Variants in ANXA7 observed in about 807,000 individuals in gnomAD.
ANXA7 encodes annexin A7, also known as annexin VII.
A neutral mutation model predicts 64.9 loss-of-function variants in ANXA7; 55 were observed. The ratio of observed to expected loss-of-function variants is 0.85; its 90% confidence interval spans 0.68 to 1.06. The LOEUF is 1.06. Ranked by LOEUF, ANXA7 falls within the 50% of genes least tolerant of loss-of-function variation. ANXA7 has a pLI of 0.00. For synonymous variants in ANXA7, 200 were observed against 192.4 expected, an observed-to-expected ratio of 1.04 and a Z score of -0.33; for missense variants, 548 against 582.1, an observed-to-expected ratio of 0.94 and a Z score of 0.60.
At chr10:73,406,660 C>T (rs1407974723) in intron 1 of ANXA7, among the ~76,000 whole-genome samples, 1 of 152,088 alleles carries the variant, frequency 6.6e-6, no homozygotes, top group African/African-American at 2.4e-5. Context: ...GCCTCGAATT[C>T]CTGGGCTCAG....
rs1564521116 is a variant in ANXA7, at chr10:73,380,106, A to G, written c.1014T>C (p.Asp338=). Reference sequence around the variant, plus strand: ...CAAGGATCATGTTAAAGCAAGATTCATCGGTCCCTAGTCTCCCCTCACCAG... The same window carrying G: ...CAAGGATCATGTTAAAGCAAGATTCGTCGGTCCCTAGTCTCCCCTCACCAG... ...YQAGEGRLGT[D]ESCFNMILAT... Residue 338 remains aspartate (D), a synonymous_variant, in exon 10 of 13, where the codon GAT becomes GAC. Coordinates refer to ENST00000372921, the MANE Select transcript of ANXA7 (RefSeq NM_001156.5). The G allele has an allele frequency of 2.5e-6, 4 of 1,614,082 alleles. No homozygotes were observed. Among genetic ancestry groups the G allele is most frequent in the East Asian group, 2.2e-5 (1 of 44,892 alleles).
chr10:73,383,139 C>A, intron 9 of ANXA7, 36 bp downstream of exon 9: 2 of 1,538,210 alleles, frequency 1.3e-6, no homozygotes, highest in Non-Finnish European at 1.8e-6. Flanking sequence ...AAGTATGTTC[C>A]CTCTATCAAC....
rs1269987275 is a variant in ANXA7 at position 73,400,836 on chromosome 10, G to C, written c.21C>G (p.Pro7=). 1.2e-6 allele frequency: 2 copies of C among 1,603,458 alleles called. No homozygotes were observed. The highest frequency in any genetic ancestry group is 2.3e-5 in the East Asian group (1 of 44,036). The change falls in exon 2 of 13, where the codon CCC becomes CCG. Residue 7 remains proline, a synonymous_variant. Coordinates refer to ENST00000372921, the MANE Select transcript of ANXA7 (RefSeq NM_001156.5). MSYPGY[P]PTGYPPFPGY... ...CAGGGAAAGGTGGGTAGCCTGTTGG[G>C]GGATAGCCTGGGTATGACATTCTGT...
intron 7 of ANXA7, among the ~76,000 whole-genome samples, chr10:73,384,774 G>T (rs1029764748): frequency 4.6e-5 from 7 of 152,080 alleles, no homozygotes; most frequent in Admixed American, 1.3e-4. Flanking sequence ...CTAGCACTGG[G>T]TAAGTAGCAT....
chr10:73,405,208 A>AGT (rs2055734343), intron 1 of ANXA7, among the ~76,000 whole-genome samples: 1 of 145,526 alleles, frequency 6.9e-6, no homozygotes, highest in Admixed American at 7.0e-5. Context: ...GCACCACTGC[A>AGT]CTCCAGCCTG....
At chr10:73,408,587 T>C (rs1269878349) in intron 1 of ANXA7, among the ~76,000 whole-genome samples, 1 of 152,136 alleles carries the variant, frequency 6.6e-6, no homozygotes, top group Non-Finnish European at 1.5e-5. Context: ...AGGAATTATG[T>C]CAACAAAAAT....
chr10:73,389,838 T>A (rs993045368), intron 5 of ANXA7, among the ~76,000 whole-genome samples: 3 of 152,192 alleles, frequency 2.0e-5, no homozygotes, highest in African/African-American at 7.2e-5. Context: ...TTGCCCAGGC[T>A]GGTATCGAAT....
chr10:73,408,569 G>A lies in ANXA7; in HGVS notation c.-2+5443C>T, dbSNP rs1488405515. 5.3e-5 allele frequency among the ~76,000 whole-genome samples: 8 copies of A among 152,196 alleles called. No homozygotes were observed. The East Asian group carries it at 1.4e-3, about 26-fold the overall frequency. ...CTACTATCTTAAATCTTACCTTTAA[G>A]AGCCTGGAGGAATTATGTCAACAAA... On this transcript the variant is annotated intron_variant, in intron 1 of 12. Coordinates refer to ENST00000372921, the MANE Select transcript of ANXA7 (RefSeq NM_001156.5).
At chr10:73,390,930 G>A (rs997660290) in intron 5 of ANXA7, among the ~76,000 whole-genome samples, 5 of 151,436 alleles carry the variant, frequency 3.3e-5, no homozygotes, top group South Asian at 2.1e-4. Flanking sequence ...CCAGCACTTC[G>A]GGAGGTCGAG....
intron 1 of ANXA7, among the ~76,000 whole-genome samples, chr10:73,407,179 C>T (rs762411296): frequency 2.0e-5 from 3 of 152,160 alleles, no homozygotes; most frequent in Non-Finnish European, 2.9e-5. Flanking sequence ...TGGGTTCAAG[C>T]GATTCTCCTC....
chr10:73,388,568 T>C (rs902893207), intron 5 of ANXA7, among the ~76,000 whole-genome samples, 154 bp from the exon 6 acceptor site: 8 of 152,218 alleles, frequency 5.3e-5, no homozygotes, highest in Admixed American at 2.0e-4. Context: ...GAGCTCATTA[T>C]GGAACAGACA....
intron 9 of ANXA7, among the ~76,000 whole-genome samples, chr10:73,380,607 T>C (rs2055260536): frequency 2.0e-5 from 3 of 152,148 alleles, no homozygotes; most frequent in Admixed American, 1.3e-4. Context: ...TAATCCATAA[T>C]GTCTGTCATG....
chr10:73,387,750 G>A lies in ANXA7; in HGVS notation c.572C>T (p.Ala191Val), dbSNP rs2055399248. ...TDEQAIVDVV[A>V]NRSNDQRQKI... ...TTGCCTCTGATCATTGGAACGGTTG[G>A]CCACCACATCCACAATTGCCTGCTC... The change falls in exon 7 of 13, where the codon GCC becomes GTC. Residue 191 changes from alanine to valine, a missense_variant. Ala to Val is a moderately conservative substitution (Grantham distance 64, BLOSUM62 0). Coordinates refer to ENST00000372921, the MANE Select transcript of ANXA7 (RefSeq NM_001156.5). 6.2e-7 allele frequency: 1 copy of A among 1,613,504 alleles called. No homozygotes were observed. Among genetic ancestry groups the A allele is most frequent in the Non-Finnish European group, 8.5e-7 (1 of 1,179,966 alleles).
intron 9 of ANXA7, among the ~76,000 whole-genome samples, chr10:73,382,202 C>G (rs981124137): frequency 6.6e-6 from 1 of 152,224 alleles, no homozygotes; most frequent in Non-Finnish European, 1.5e-5. Context: ...AGCCCCTCCT[C>G]TCCTTTAGAT....
At chr10:73,399,225 CT>C (rs1413623032) in intron 2 of ANXA7, among the ~76,000 whole-genome samples, 1 of 152,198 alleles carries the variant, frequency 6.6e-6, no homozygotes, top group African/African-American at 2.4e-5. Flanking sequence ...CACCCACCCC[CT>C]ATCCTCCACT....
At chr10:73,409,039 A>T (rs2055802025) in intron 1 of ANXA7, among the ~76,000 whole-genome samples, 1 of 152,236 alleles carries the variant, frequency 6.6e-6, no homozygotes, top group Non-Finnish European at 1.5e-5. Flanking sequence ...TAAAAGCCAT[A>T]TATGACGACA....
rs888310982 is a variant in ANXA7, at chr10:73,380,221, G to C, written c.919-20C>G. On this transcript the variant is annotated intron_variant, in intron 9 of 12. Transcript: ENST00000372921. ...ATTTCCCTGCAAAAGAGAAAGGCAG[G>C]AATTGGAAGAAATAAATAATAGTTC... 6.3e-7 allele frequency: 1 copy of C among 1,589,158 alleles called. No individual in the cohort carries two copies. The highest frequency in any genetic ancestry group is 8.5e-7 in the Non-Finnish European group (1 of 1,172,410).
At chr10:73,411,756 G>A (rs895234063) in intron 1 of ANXA7, among the ~76,000 whole-genome samples, 3 of 151,892 alleles carry the variant, frequency 2.0e-5, no homozygotes, top group African/African-American at 7.3e-5. Flanking sequence ...TAAAAAGGAG[G>A]GACAGGTGAA....
intron 11 of ANXA7, 141 bp from the exon 12 acceptor site, chr10:73,379,164 C>T (rs2055233771): frequency 1.8e-6 from 1 of 557,640 alleles, no homozygotes; most frequent in Admixed American, 3.9e-5. Flanking sequence ...TAAGAGTGTT[C>T]AGATGCTCTC....
Sources: gnomAD v4.1 joint callset for allele counts (sites outside exome capture counted in the v4.1 genomes callset) on GRCh38, gnomAD v4.1.1 for gene constraint, MANE v1.5 for transcripts, NCBI Gene and HGNC (gene_info 2026-07-23, HGNC 2026-07-21) for gene names.